GSTK1: variants seen among roughly 807,000 people sequenced by gnomAD.
The protein encoded by GSTK1 is GST class-kappa.
In GSTK1, 25 loss-of-function variants were observed where a neutral mutation model predicts 30.9. The ratio of observed to expected loss-of-function variants is 0.81; its 90% CI spans 0.59 to 1.13. The LOEUF (loss-of-function observed/expected upper bound fraction) is 1.13. Ranked by LOEUF, GSTK1 falls within the 50% of genes most tolerant of loss-of-function variation. The pLI is 0.00. For synonymous variants in GSTK1, 108 were observed against 112.5 expected (o/e 0.96, Z 0.25); for missense variants, 292 against 292.4 (o/e 1.00, Z 0.01).
At chr7:143,265,167 G>A (rs1429112205) in intron 4 of GSTK1, 75 bp downstream of exon 4, 2 of 1,610,900 alleles carry the variant, frequency 1.2e-6, no homozygotes, top group Admixed American at 1.7e-5. Context: ...ACGTTTTCAG[G>A]GTCATGATCC....
chr7:143,267,803 A>G, intron 6 of GSTK1, 70 bp downstream of exon 6: 1 of 1,088,044 alleles, frequency 9.2e-7, no homozygotes, highest in Non-Finnish European at 1.4e-6. Flanking sequence ...TCTAAGTTTG[A>G]GTCCTTATGC....
chr7:143,266,786 G>A (rs980529928), intron 5 of GSTK1, among the ~76,000 whole-genome samples: 3 of 149,272 alleles, frequency 2.0e-5, no homozygotes, highest in South Asian at 2.1e-4. Context: ...TCAGCCTTAC[G>A]AGTAGCTGGG....
intron 5 of GSTK1, among the ~76,000 whole-genome samples, chr7:143,266,841 G>C (rs1271667505): frequency 6.6e-6 from 1 of 151,264 alleles, no homozygotes; most frequent in Admixed American, 6.6e-5. Flanking sequence ...AAAATTTTTT[G>C]TAGAGATGGG....
At position 143,268,569 on chromosome 7, in the gene GSTK1, T is replaced by C. The variant is rs1026101695; in HGVS notation, c.632-219T>C. On this transcript the variant is annotated intron_variant, in intron 7 of 7. Transcript: ENST00000358406. The surrounding 1 kb of genome is among the most constrained non-coding windows in gnomAD (Gnocchi z 4.1). ...GAAGGAGGGGCTCAGAGCAAAAAAA[T>C]ATTCTTGGCACTTCCAGTAACAAAG... Among the ~76,000 whole-genome samples, 2 of 152,096 alleles carry C rather than the reference T, an allele frequency of 1.3e-5. No homozygotes were observed. The highest frequency in any genetic ancestry group is 2.9e-5 in the Non-Finnish European group (2 of 68,020).
chr7:143,264,921 C>G, intron 3 of GSTK1, 71 bp from the exon 4 acceptor site: 2 of 1,510,696 alleles, frequency 1.3e-6, no homozygotes, highest in Non-Finnish European at 1.8e-6. Context: ...ATGTCAGAAG[C>G]AAGGAAGAGC....
rs372827008 is a variant in GSTK1, at chr7:143,263,564, C to T, written c.51C>T (p.Pro17=). 36 of 1,610,114 alleles carry T rather than the reference C, an allele frequency of 2.2e-5. No individual in the cohort carries two copies. The highest frequency in any genetic ancestry group is 1.1e-4 in the African/African-American group (8 of 74,944). The stretch of plus-strand genomic sequence containing the variant: ...AGCTCTTCTATGACGTGCTGTCCCC[C>T]TACTCCTGGCTGGGCTTCGAGGTGA... ...TVELFYDVLS[P]YSWLGFEILC... is the part of the protein sequence containing the mutation. The change falls in exon 1 of 8, where the codon CCC becomes CCT. Residue 17 remains proline (P), a synonymous_variant. Transcript: ENST00000358406.
chr7:143,267,180 A>C (rs1800904771), intron 5 of GSTK1, among the ~76,000 whole-genome samples: 2 of 152,188 alleles, frequency 1.3e-5, no homozygotes, highest in South Asian at 4.1e-4. Flanking sequence ...TCTTGATTCA[A>C]AAAAAGCATG....
chr7:143,265,165 A>C (rs1005865188), intron 4 of GSTK1, 73 bp downstream of exon 4: 3 of 1,610,752 alleles, frequency 1.9e-6, no homozygotes, highest in Non-Finnish European at 2.5e-6. Flanking sequence ...GCACGTTTTC[A>C]GGGTCATGAT....
In GSTK1 at chr7:143,265,053, G is replaced by C; in HGVS notation, c.345G>C (p.Glu115Asp). The change falls in exon 4 of 8, where the codon GAG becomes GAC. Residue 115 changes from glutamate to aspartate, a missense_variant. Coordinates refer to ENST00000358406, the MANE Select transcript of GSTK1 (RefSeq NM_015917.3). ...ACTTGGAGCATCCAGAGATGCTGGA[G>C]AAAGCGTCCCGGGAGCTGTGGATGC... ...AVNLEHPEMLEKASRELWMRV... is the reference protein window; with the variant it reads ...AVNLEHPEMLDKASRELWMRV... 1 of 1,614,192 alleles carries C rather than the reference G, an allele frequency of 6.2e-7. No homozygotes were observed. The highest frequency in any genetic ancestry group is 8.5e-7 in the Non-Finnish European group (1 of 1,180,034).
intron 3 of GSTK1, 109 bp from the exon 4 acceptor site, chr7:143,264,883 G>C (rs1800826914): frequency 7.6e-7 from 1 of 1,320,050 alleles, no homozygotes. Context: ...CCTTGGGTGA[G>C]AGGCTGAGGG....
At chr7:143,264,862 G>A in intron 3 of GSTK1, 130 bp from the exon 4 acceptor site, 1 of 1,254,310 alleles carries the variant, frequency 8.0e-7, no homozygotes. Flanking sequence ...CAGGCAAATA[G>A]GTCATGGGAA....
Position 143,264,309 on chromosome 7 carries a change from A to G in GSTK1, c.154+142A>G, listed in dbSNP as rs576591015. On this transcript the variant is annotated intron_variant, in intron 2 of 7. Coordinates refer to ENST00000358406, the MANE Select transcript of GSTK1 (RefSeq NM_015917.3). ...AAATACAAAATTAGCCGGGCGTGGTAGTGCATGCCTGTATACCACAGCTAC... is the reference window on the plus strand; with the variant it reads ...AAATACAAAATTAGCCGGGCGTGGTGGTGCATGCCTGTATACCACAGCTAC... The G allele has an allele frequency of 2.4e-3, 1,960 of 800,824 alleles. 2 individuals carry two copies. The highest frequency in any genetic ancestry group is 2.7e-3 in the Non-Finnish European group (1,324 of 487,836). 49.6% of individuals were successfully genotyped at this position (800,824 alleles called of 1,614,324 possible). A position where few individuals can be genotyped will look rare whatever the true frequency, so the allele number is the denominator to read the frequency against.
In GSTK1 at chr7:143,264,016, T is replaced by A. The variant is rs1554425145; in HGVS notation, c.73-70T>A. 9.8e-6 allele frequency: 14 copies of A among 1,421,482 alleles called. No homozygotes were observed. In the South Asian group the frequency reaches 1.6e-4, roughly 16 times the overall value. 88.1% of individuals were successfully genotyped at this position (1,421,482 alleles called of 1,614,324 possible). On this transcript the variant is annotated intron_variant, in intron 1 of 7. Coordinates refer to ENST00000358406, the MANE Select transcript of GSTK1 (RefSeq NM_015917.3). ...CCCTGCTCTGCACTTAGCGCCTCCC[T>A]TCCCTTTCCCTCGGCTCTTTCACTT...
In GSTK1 at chr7:143,267,688, G is replaced by A; in HGVS notation, c.492G>A (p.Val164=). ...GLLEKIATPK[V]KNQLKETTEA... ...TGGAAAAGATCGCAACGCCAAAGGT[G>A]AAGAACCAGCTCAAGGAGACCACTG... The change falls in exon 6 of 8, where the codon GTG becomes GTA. Residue 164 remains valine, a synonymous_variant. Coordinates refer to ENST00000358406, the MANE Select transcript of GSTK1 (RefSeq NM_015917.3). 1.2e-6 allele frequency: 2 copies of A among 1,614,112 alleles called. No homozygotes were observed. Among genetic ancestry groups the A allele is most frequent in the Non-Finnish European group, 1.7e-6 (2 of 1,179,994 alleles).
intron 1 of GSTK1, 58 bp downstream of exon 1, chr7:143,263,643 T>G (rs1430413347): frequency 2.0e-6 from 3 of 1,502,278 alleles, no homozygotes; most frequent in Non-Finnish European, 9.2e-7. Flanking sequence ...GAGGGAAGAG[T>G]GAGCGCAGGG....
At chr7:143,265,542 A>G (rs1189232542) in intron 5 of GSTK1, among the ~76,000 whole-genome samples, 2 of 152,182 alleles carry the variant, frequency 1.3e-5, no homozygotes, top group African/African-American at 4.8e-5. Context: ...TTATTTGCTG[A>G]AAGATGTCAG....
In GSTK1 at chr7:143,267,666, A is replaced by T; in HGVS notation, c.470A>T (p.Glu157Val). 6.2e-7 allele frequency: 1 copy of T among 1,614,120 alleles called. No individual in the cohort carries two copies. ...MSAEQAQGLLEKIATPKVKNQ... is the reference protein window; with the variant it reads ...MSAEQAQGLLVKIATPKVKNQ... ...GCAGAACAAGCCCAGGGACTTCTGG[A>T]AAAGATCGCAACGCCAAAGGTGAAG... Residue 157 changes from glutamate (E) to valine (V), a missense_variant, in exon 6 of 8, where the codon GAA becomes GTA. By Grantham distance (121) the Glu-to-Val change is moderately radical. Transcript: ENST00000358406.
chr7:143,265,182 C>G (rs781624647), intron 4 of GSTK1, 79 bp from the exon 5 acceptor site: 15 of 1,607,664 alleles, frequency 9.3e-6, no homozygotes, highest in Non-Finnish European at 1.3e-5. Flanking sequence ...TGATCCTGCC[C>G]CCGCCCGGGG....
intron 2 of GSTK1, 33 bp from the exon 3 acceptor site, chr7:143,264,515 T>A (rs774613697): frequency 6.2e-7 from 1 of 1,613,006 alleles, no homozygotes; most frequent in East Asian, 2.2e-5. Context: ...TTAGGTCTTT[T>A]CTCACTTAGC....
Sources: allele counts gnomAD v4.1 joint callset (sites outside exome capture counted in the v4.1 genomes callset), GRCh38; gene constraint gnomAD v4.1.1; non-coding constraint Gnocchi (gnomAD v3.1); transcripts MANE v1.5; gene names NCBI Gene and HGNC (gene_info 2026-07-23, HGNC 2026-07-21).